The following TMEM128 variants were observed in gnomAD, a reference collection of about 807,000 sequenced individuals.
TMEM128 encodes transmembrane protein 128.
Under a neutral mutation model 19.7 loss-of-function variants are expected in TMEM128, and 16 were observed. The observed-to-expected ratio is 0.81, with a 90% confidence interval of 0.55 to 1.23. The LOEUF (loss-of-function observed/expected upper bound fraction) is 1.23. TMEM128 is among the 50% of genes most tolerant of loss of function. TMEM128 has a pLI of 0.00. For missense variants in TMEM128, 237 were observed against 200.8 expected (o/e 1.18, Z -1.09); for synonymous variants, 98 against 75.8 (o/e 1.29, Z -1.52).
At chr4:4,247,727 T>G in intron 1 of TMEM128, 1 of 1,589,700 alleles carries the variant, frequency 6.3e-7, no homozygotes, top group East Asian at 2.2e-5. Context: ...CTTAAACAGC[T>G]TTCTGCTGAC....
At chr4:4,246,725 G>A (rs1225588917) in intron 1 of TMEM128, among the ~76,000 whole-genome samples, 2 of 151,764 alleles carry the variant, frequency 1.3e-5, no homozygotes, top group African/African-American at 4.8e-5. Context: ...CTGGACTTGT[G>A]GTCTTCCAAG....
chr4:4,244,132 A>T (rs889890152), intron 2 of TMEM128, among the ~76,000 whole-genome samples: 22 of 152,124 alleles, frequency 1.4e-4, no homozygotes, highest in Non-Finnish European at 2.9e-5. Context: ...CAGCCTCCAT[A>T]AAGTATCTGA....
chr4:4,240,799 C>T (rs906267415), intron 2 of TMEM128, among the ~76,000 whole-genome samples: 2 of 152,170 alleles, frequency 1.3e-5, no homozygotes, highest in Admixed American at 6.5e-5. Context: ...AGGAAGAGGC[C>T]GGGCGCAGTG....
chr4:4,240,405 C>T lies in TMEM128; in HGVS notation c.314G>A (p.Trp105Ter), dbSNP rs201453309. ...IAFYCIVYLEWYCGIGEYDVK... is the reference protein window; with the variant it reads ...IAFYCIVYLE ...ATCATATTCTCCAATTCCACAATACCATTCCAGGTAGACTATGCAGTAAAA... is the reference window on the plus strand; with the variant it reads ...ATCATATTCTCCAATTCCACAATACTATTCCAGGTAGACTATGCAGTAAAA... The change falls in exon 3 of 5, where the codon TGG becomes TAG. Residue 105 changes from tryptophan to a stop codon, truncating the protein, a stop_gained. Transcript: ENST00000382753. LOFTEE classifies it high-confidence loss of function. 1.9e-4 allele frequency: 300 copies of T among 1,613,870 alleles called. No individual in the cohort carries two copies. The highest frequency in any genetic ancestry group is 2.4e-4 in the Non-Finnish European group (287 of 1,179,962).
At chr4:4,247,492 TC>T (rs1560221727) in intron 1 of TMEM128, 1 of 1,441,802 alleles carries the variant, frequency 6.9e-7, no homozygotes, top group East Asian at 2.3e-5. Context: ...AGTATCTGTC[TC>T]CCATCCTTAA....
At chr4:4,236,370 T>C (rs1292120448) in intron 4 of TMEM128, 114 bp from the exon 5 acceptor site, 2 of 151,912 alleles carry the variant, frequency 1.3e-5, no homozygotes, top group Non-Finnish European at 2.9e-5. Context: ...CTAAAAAGCA[T>C]AGTTCACTCT....
At chr4:4,246,051 C>T (rs1262290662) in intron 2 of TMEM128, 151 bp downstream of exon 2, 2 of 705,292 alleles carry the variant, frequency 2.8e-6, no homozygotes, top group Non-Finnish European at 2.2e-6. Context: ...CCTTTGACCC[C>T]CATCTCATAT....
At chr4:4,237,488 A>G (rs1417910837) in intron 4 of TMEM128, among the ~76,000 whole-genome samples, 2 of 152,202 alleles carry the variant, frequency 1.3e-5, no homozygotes, top group African/African-American at 4.8e-5. Flanking sequence ...AAAAATTTTT[A>G]AAAATTAGCC....
intron 2 of TMEM128, 130 bp downstream of exon 2, chr4:4,246,072 A>G: frequency 1.1e-6 from 1 of 916,416 alleles, no homozygotes; most frequent in Non-Finnish European, 1.6e-6. Context: ...TCATCTTCGT[A>G]TCACCACACC....
chr4:4,237,686 T>G (rs1717778117), intron 4 of TMEM128, 141 bp downstream of exon 4: 6 of 572,248 alleles, frequency 1.0e-5, no homozygotes, highest in Admixed American at 2.9e-5. Context: ...GAATGGATAA[T>G]TCTAGTGTGG....
At chr4:4,245,528 T>C (rs1718131761) in intron 2 of TMEM128, among the ~76,000 whole-genome samples, 1 of 152,148 alleles carries the variant, frequency 6.6e-6, no homozygotes, top group South Asian at 2.1e-4. Context: ...TCAGTCAGTC[T>C]TTCTCCCTCT....
rs1718286641 is a variant in TMEM128, at chr4:4,248,164, T to C, written c.39A>G (p.Arg13=). 5 of 1,533,518 alleles carry C rather than the reference T, an allele frequency of 3.3e-6. No individual in the cohort carries two copies. The highest frequency in any genetic ancestry group is 4.4e-6 in the Non-Finnish European group (5 of 1,141,322). The allele number at this position is 1,533,518 out of a possible 1,614,324, so 95.0% of individuals were successfully genotyped here. A position where few individuals can be genotyped will look rare whatever the true frequency, so the allele number is the denominator to read the frequency against. The stretch of plus-strand genomic sequence containing the variant: ...CCTCGGCGTCCGGCAGGAGGAGGAA[T>C]CGCCGCCGGAGCTGCTGCCGGGCCC... ...SSRARQQLRR[R]FLLLPDAEAQ... The change falls in exon 1 of 5, where the codon CGA becomes CGG. Residue 13 remains arginine (R), a synonymous_variant. Coordinates refer to ENST00000382753, the MANE Select transcript of TMEM128 (RefSeq NM_001297551.2).
chr4:4,243,227 C>A (rs1161765726), intron 2 of TMEM128, among the ~76,000 whole-genome samples: 2 of 151,962 alleles, frequency 1.3e-5, no homozygotes, highest in African/African-American at 2.4e-5. Context: ...CTACAGGCGC[C>A]CGCCACCATG....
chr4:4,238,589 C>A (rs995369121), intron 3 of TMEM128, among the ~76,000 whole-genome samples: 40 of 151,982 alleles, frequency 2.6e-4, no homozygotes, highest in African/African-American at 8.2e-4. Context: ...ATGATCTTAC[C>A]CTCATGGGAA....
At chr4:4,247,666 T>G (rs139633853) in intron 1 of TMEM128, 95 of 1,614,022 alleles carry the variant, frequency 5.9e-5, no homozygotes, top group Non-Finnish European at 8.0e-5. Flanking sequence ...TCATCCCCAT[T>G]GGTACATACG....
intron 2 of TMEM128, among the ~76,000 whole-genome samples, chr4:4,245,347 G>A: frequency 6.6e-6 from 1 of 152,108 alleles, no homozygotes; most frequent in Non-Finnish European, 1.5e-5. Context: ...TGGCCACAAA[G>A]CTGTCACTCC....
At chr4:4,241,926 G>A (rs1408185327) in intron 2 of TMEM128, among the ~76,000 whole-genome samples, 3 of 151,946 alleles carry the variant, frequency 2.0e-5, no homozygotes, top group Admixed American at 1.3e-4. Context: ...TTTCTGAGCC[G>A]GAGTCTTGCT....
intron 1 of TMEM128, among the ~76,000 whole-genome samples, chr4:4,247,322 A>T (rs1242427994): frequency 6.6e-6 from 1 of 152,192 alleles, no homozygotes; most frequent in Non-Finnish European, 1.5e-5. Flanking sequence ...CCTTTAGATG[A>T]CCATCGGAAA....
intron 2 of TMEM128, among the ~76,000 whole-genome samples, chr4:4,242,251 C>T (rs921877707): frequency 6.6e-6 from 1 of 151,976 alleles, no homozygotes; most frequent in African/African-American, 2.4e-5. Flanking sequence ...CCATGTTCAT[C>T]TTTAGGAGTC....
Sources: allele counts gnomAD v4.1 joint callset (sites outside exome capture counted in the v4.1 genomes callset), GRCh38; gene constraint gnomAD v4.1.1; transcripts MANE v1.5; gene names NCBI Gene and HGNC (gene_info 2026-07-23, HGNC 2026-07-21).